The following HECW2 variants were observed in gnomAD, a reference collection of about 807,000 sequenced individuals.
HECW2 encodes HECT, C2 and WW domain containing E3 ubiquitin protein ligase 2.
In HECW2, 61 loss-of-function variants were observed where a neutral mutation model predicts 175.2. That is an observed-to-expected ratio of 0.35 (90% confidence interval 0.28 to 0.43). HECW2 has a LOEUF of 0.43. Ranked by LOEUF, HECW2 falls within the 20% of genes least tolerant of loss-of-function variation. The pLI is 1.00. For synonymous variants in HECW2, 671 were observed against 731.0 expected (o/e 0.92, Z 1.32); for missense variants, 1,524 against 2,000.5 (o/e 0.76, Z 4.54).
At chr2:196,417,645 C>T (rs1397861982) in intron 2 of HECW2, among the ~76,000 whole-genome samples, 1 of 152,214 alleles carries the variant, frequency 6.6e-6, no homozygotes, top group Non-Finnish European at 1.5e-5. Context: ...CCAGAAAACT[C>T]CAAGTTACCT....
At chr2:196,375,474 A>G (rs1694027253) in intron 2 of HECW2, among the ~76,000 whole-genome samples, 1 of 152,206 alleles carries the variant, frequency 6.6e-6, no homozygotes, top group African/African-American at 2.4e-5. Context: ...TTCTACTTTT[A>G]CTTTTTTCAT....
intron 28 of HECW2, among the ~76,000 whole-genome samples, chr2:196,212,448 T>C (rs1687325111): frequency 1.3e-5 from 2 of 152,194 alleles, no homozygotes; most frequent in Admixed American, 6.5e-5. Context: ...GATGTAGTAT[T>C]TGGTTTTCTG....
Position 196,220,888 on chromosome 2 carries a change from C to T in HECW2, c.4200G>A (p.Lys1400=), listed in dbSNP as rs1559444396. ...TCCTCTCGATGTACTCCTTCTTGTT[C>T]TTCTCTGTAACTGGGATATTGGCAC... ...PGGANIPVTE[K]NKKEYIERMV... The change falls in exon 25 of 29, where the codon AAG becomes AAA. Residue 1400 remains lysine (K), a synonymous_variant. Coordinates refer to ENST00000644978, the MANE Select transcript of HECW2 (RefSeq NM_001348768.2). 2.5e-6 allele frequency: 4 copies of T among 1,614,116 alleles called. No homozygotes were observed. The highest frequency in any genetic ancestry group is 2.5e-6 in the Non-Finnish European group (3 of 1,179,978).
chr2:196,287,668 G>C (rs1391881655), intron 14 of HECW2, among the ~76,000 whole-genome samples: 1 of 152,120 alleles, frequency 6.6e-6, no homozygotes, highest in African/African-American at 2.4e-5. Flanking sequence ...CTCTCAGTTT[G>C]ACTCTCTGCA....
intron 2 of HECW2, among the ~76,000 whole-genome samples, chr2:196,355,170 A>G (rs1693318064): frequency 3.9e-5 from 6 of 152,222 alleles, no homozygotes; most frequent in Admixed American, 3.9e-4. Flanking sequence ...ATCCAATTTC[A>G]TGATAAAAAT....
intron 3 of HECW2, 131 bp from the exon 4 acceptor site, chr2:196,334,649 C>A: frequency 1.5e-6 from 1 of 677,534 alleles, no homozygotes. Flanking sequence ...TTTTTCCACT[C>A]AGCGCCAACA....
At chr2:196,519,833 C>G (rs1688288213) in intron 1 of HECW2, among the ~76,000 whole-genome samples, 1 of 152,172 alleles carries the variant, frequency 6.6e-6, no homozygotes, top group South Asian at 2.1e-4. Flanking sequence ...TAGTTTTAAT[C>G]TCCATTCTAA....
chr2:196,463,504 C>G (rs1203355654), intron 1 of HECW2, among the ~76,000 whole-genome samples: 1 of 151,670 alleles, frequency 6.6e-6, no homozygotes, highest in Non-Finnish European at 1.5e-5. Context: ...AATTTCAAAA[C>G]TACAAGGCTG....
At chr2:196,420,870 T>A (rs566411905) in intron 2 of HECW2, among the ~76,000 whole-genome samples, 5 of 152,216 alleles carry the variant, frequency 3.3e-5, no homozygotes, top group Non-Finnish European at 7.4e-5. Context: ...TAATGACTAA[T>A]GTGGAAGAAG....
chr2:196,518,042 A>C (rs1418732727), intron 1 of HECW2, among the ~76,000 whole-genome samples: 1 of 152,218 alleles, frequency 6.6e-6, no homozygotes. Flanking sequence ...AGCAATATAA[A>C]TACGAAGGGG....
At chr2:196,240,380 C>T (rs978134050) in intron 21 of HECW2, 69 bp downstream of exon 21, 75 of 1,112,970 alleles carry the variant, frequency 6.7e-5, no homozygotes, top group Non-Finnish European at 9.3e-5. Flanking sequence ...GCAACCACAG[C>T]GACGTGGAGA....
intron 2 of HECW2, among the ~76,000 whole-genome samples, chr2:196,353,688 T>C (rs10469749): frequency 0.27 from 40,564 of 152,194 alleles, 7,138 homozygotes; most frequent in African/African-American, 0.5. Flanking sequence ...AAGCCGTGAT[T>C]CAGAGTGAGA....
chr2:196,518,302 T>C (rs1688221400), intron 1 of HECW2, among the ~76,000 whole-genome samples: 1 of 152,112 alleles, frequency 6.6e-6, no homozygotes, highest in African/African-American at 2.4e-5. Context: ...AACCAAATTA[T>C]AAGATAAGAG....
chr2:196,320,428 A>G lies in HECW2; in HGVS notation c.896T>C (p.Leu299Pro). Residue 299 changes from leucine (L) to proline (P), a missense_variant, in exon 8 of 29, where the codon CTC (leucine) becomes CCC (proline). Leu to Pro is a moderately conservative substitution (Grantham distance 98). Coordinates refer to ENST00000644978, the MANE Select transcript of HECW2 (RefSeq NM_001348768.2). ...GAGCCTTCTGCCAAGGTTGTAGCTGAGCATTTGATCACTGCAAGAAGAGAA... is the reference window on the plus strand; with the variant it reads ...GAGCCTTCTGCCAAGGTTGTAGCTGGGCATTTGATCACTGCAAGAAGAGAA... ...LERQAIGDQMLSYNLGRRLPA... is the reference protein window; with the variant it reads ...LERQAIGDQMPSYNLGRRLPA... 2 of 1,610,474 alleles carry G rather than the reference A, an allele frequency of 1.2e-6. No homozygotes were observed. Among genetic ancestry groups the G allele is most frequent in the Non-Finnish European group, 1.7e-6 (2 of 1,177,060 alleles).
chr2:196,222,558 T>A (rs1413005061), intron 23 of HECW2, among the ~76,000 whole-genome samples: 1 of 152,302 alleles, frequency 6.6e-6, no homozygotes. Flanking sequence ...ATATATAATA[T>A]GCCACAGGAA....
rs1688495283 is a variant in HECW2 at position 196,242,509 on chromosome 2, T to G, written c.3530-305A>C. Reference sequence around the variant, plus strand: ...ACTAATATGAGTCAAACAGAGTTACTCATGTCTAGTAGTAACTGTTAGGAT... The same window carrying G: ...ACTAATATGAGTCAAACAGAGTTACGCATGTCTAGTAGTAACTGTTAGGAT... On this transcript the variant is annotated intron_variant, in intron 19 of 28. Coordinates refer to ENST00000644978, the MANE Select transcript of HECW2 (RefSeq NM_001348768.2). 3 of 336,718 alleles carry G rather than the reference T, an allele frequency of 8.9e-6. No individual in the cohort carries two copies. The East Asian group carries it at 1.9e-4, about 21-fold the overall frequency. 20.9% of individuals were successfully genotyped at this position (336,718 alleles called of 1,614,324 possible).
chr2:196,290,950 G>C, intron 14 of HECW2: 1 of 152,086 alleles, frequency 6.6e-6, no homozygotes. Flanking sequence ...TCTCTTGGCT[G>C]GGAATTAGAG....
intron 2 of HECW2, among the ~76,000 whole-genome samples, chr2:196,408,037 A>G (rs1224023060): frequency 6.6e-6 from 1 of 152,194 alleles, no homozygotes; most frequent in Non-Finnish European, 1.5e-5. Flanking sequence ...ACCATCCAGC[A>G]CCTTCTGAGT....
rs1459768708 is a variant in HECW2 at position 196,199,147 on chromosome 2, T to C, written c.*2130A>G. ...CAACCTTTATCTGCTGCTTGGAGAA[T>C]GCCAGCCCTGAAACATCTTGTATAC... On this transcript the variant is annotated 3_prime_UTR_variant, in exon 29 of 29. Transcript: ENST00000644978. 1.3e-5 allele frequency: 2 copies of C among 152,522 alleles called. No homozygotes were observed. The highest frequency in any genetic ancestry group is 2.4e-5 in the African/African-American group (1 of 41,404). The allele number at this position is 152,522 out of a possible 1,614,324, so 9.4% of individuals were successfully genotyped here.
Sources: gnomAD v4.1 joint callset for allele counts (sites outside exome capture counted in the v4.1 genomes callset) on GRCh38, gnomAD v4.1.1 for gene constraint, MANE v1.5 for transcripts, NCBI Gene and HGNC (gene_info 2026-07-23, HGNC 2026-07-21) for gene names.